The following TLN2 variants were observed in gnomAD, a reference collection of about 807,000 sequenced individuals.
TLN2 encodes the protein talin-2.
TLN2 carries 118 observed loss-of-function variants against 294.7 expected under a neutral mutation model. The observed-to-expected ratio is 0.40, with a 90% CI of 0.34 to 0.47. TLN2 has a LOEUF of 0.47. TLN2 is among the 20% of genes least tolerant of loss of function. TLN2 has a pLI of 0.84. For missense variants in TLN2, 3,083 were observed against 3,282.2 expected (o/e 0.94, Z 1.48); for synonymous variants, 1,431 against 1,304.5 (o/e 1.10, Z -2.09).
chr15:62,482,056 C>T (rs1462694482), intron 1 of TLN2, among the ~76,000 whole-genome samples: 1 of 151,942 alleles, frequency 6.6e-6, no homozygotes, highest in African/African-American at 2.4e-5. Context: ...CTCAGCCTCC[C>T]AAAGTTCATT....
At chr15:62,739,595 A>T in intron 31 of TLN2, 50 bp downstream of exon 31, 1 of 1,599,580 alleles carries the variant, frequency 6.3e-7, no homozygotes, top group Non-Finnish European at 8.6e-7. Flanking sequence ...CTCCTCTCGG[A>T]TGGATAATCC....
chr15:62,727,438 A>G (rs1391507140), intron 28 of TLN2, among the ~76,000 whole-genome samples: 2 of 152,236 alleles, frequency 1.3e-5, no homozygotes, highest in African/African-American at 4.8e-5. Context: ...GTAATTGTAG[A>G]CTTCCAGGTC....
chr15:62,434,015 T>A (rs1352958707), intron 1 of TLN2, among the ~76,000 whole-genome samples: 2 of 148,750 alleles, frequency 1.3e-5, no homozygotes, highest in African/African-American at 5.0e-5. Flanking sequence ...AAAAAGATTG[T>A]CTCCCTAATT....
At chr15:62,665,225 G>C (rs375937140) in intron 9 of TLN2, among the ~76,000 whole-genome samples, 1 of 151,990 alleles carries the variant, frequency 6.6e-6, no homozygotes, top group Admixed American at 6.6e-5. Flanking sequence ...ATCATGCCCA[G>C]CTAACTTTTG....
intron 14 of TLN2, among the ~76,000 whole-genome samples, chr15:62,697,092 G>A (rs75606098): frequency 0.096 from 14,562 of 152,124 alleles, 1,401 homozygotes; most frequent in African/African-American, 0.25. Flanking sequence ...TCATTATTAT[G>A]GGAATCTCTG....
chr15:62,483,406 G>T (rs917731804), intron 1 of TLN2, among the ~76,000 whole-genome samples: 8 of 152,184 alleles, frequency 5.3e-5, no homozygotes, highest in Non-Finnish European at 1.2e-4. Flanking sequence ...GCTTAGAACA[G>T]ACCTCTTTCG....
chr15:62,796,353 C>T (rs971227654), intron 47 of TLN2, 60 bp downstream of exon 47: 220 of 1,538,168 alleles, frequency 1.4e-4, no homozygotes, highest in Non-Finnish European at 1.8e-4. Context: ...AACTCATGAT[C>T]GACTTGGAGA....
intron 1 of TLN2, among the ~76,000 whole-genome samples, chr15:62,581,665 T>C (rs1373829564): frequency 1.3e-5 from 2 of 152,114 alleles, no homozygotes; most frequent in Non-Finnish European, 2.9e-5. Flanking sequence ...AAGGAAGGCA[T>C]AAATGTAAAA....
intron 52 of TLN2, among the ~76,000 whole-genome samples, chr15:62,810,889 C>A (rs1180608769): frequency 4.6e-5 from 7 of 152,202 alleles, no homozygotes; most frequent in Non-Finnish European, 7.3e-5. Context: ...AACAGGCCAC[C>A]TTTAGATACA....
chr15:62,695,362 C>T (rs1567377873), intron 14 of TLN2, among the ~76,000 whole-genome samples: 1 of 152,156 alleles, frequency 6.6e-6, no homozygotes, highest in Non-Finnish European at 1.5e-5. Context: ...ACAATCCTGA[C>T]CATTCTTCCT....
chr15:62,634,799 C>T (rs928030551), intron 3 of TLN2, among the ~76,000 whole-genome samples: 2 of 152,258 alleles, frequency 1.3e-5, no homozygotes, highest in African/African-American at 4.8e-5. Flanking sequence ...TTGCAGAAAG[C>T]AGCACGTGGC....
At chr15:62,732,676 G>T (rs574346327) in intron 28 of TLN2, among the ~76,000 whole-genome samples, 1 of 152,306 alleles carries the variant, frequency 6.6e-6, no homozygotes, top group South Asian at 2.1e-4. Flanking sequence ...CATTAATCCA[G>T]GTAAGAGATG....
At chr15:62,535,730 A>G (rs938130215) in intron 1 of TLN2, among the ~76,000 whole-genome samples, 1 of 151,874 alleles carries the variant, frequency 6.6e-6, no homozygotes, top group South Asian at 2.1e-4. Context: ...TAATTTTTGT[A>G]ATTTAGTAGA....
At position 62,428,947 on chromosome 15, in the gene TLN2, C is replaced by G. The variant is rs1014994513; in HGVS notation, c.-238+38262C>G. Among the ~76,000 whole-genome samples, 8 of 152,028 alleles carry G rather than the reference C, an allele frequency of 5.3e-5. 1 individual carries two copies. Among genetic ancestry groups the G allele is most frequent in the Non-Finnish European group, 8.8e-5 (6 of 68,018 alleles). ...GAATATCCAGATTTCAGAATCTCAC[C>G]CAGACTCACTGACTCAGAGCTTCTG... On this transcript the variant is annotated intron_variant, in intron 1 of 58. Transcript: ENST00000636159.
intron 33 of TLN2, among the ~76,000 whole-genome samples, chr15:62,749,230 G>T (rs940020527): frequency 6.6e-6 from 1 of 152,204 alleles, no homozygotes; most frequent in Non-Finnish European, 1.5e-5. Context: ...TTTGATTGAG[G>T]CCCTGGTACT....
Position 62,433,034 on chromosome 15 carries a change from C to T in TLN2, c.-238+42349C>T, listed in dbSNP as rs75860255. Among the ~76,000 whole-genome samples, 1,030 of 152,284 alleles carry T rather than the reference C, an allele frequency of 6.8e-3. 2 individuals are homozygous for T. Among genetic ancestry groups the T allele is most frequent in the Middle Eastern group, 0.031 (9 of 294 alleles). ...TTCTATTTTAAGATAGGTATGTTGA[C>T]AGAGGCATTGGTCCCCAAATAGAGG... is the stretch of plus-strand genomic sequence containing the variant. On this transcript the variant is annotated intron_variant, in intron 1 of 58. Coordinates refer to ENST00000636159, the MANE Select transcript of TLN2 (RefSeq NM_015059.3).
At chr15:62,663,577 T>C (rs2054162139) in intron 9 of TLN2, among the ~76,000 whole-genome samples, 1 of 151,056 alleles carries the variant, frequency 6.6e-6, no homozygotes, top group African/African-American at 2.4e-5. Context: ...TTAAGTGTGG[T>C]CTTTAGAAAA....
intron 11 of TLN2, among the ~76,000 whole-genome samples, chr15:62,678,414 T>A (rs976038461): frequency 1.3e-5 from 2 of 152,244 alleles, no homozygotes; most frequent in African/African-American, 4.8e-5. Flanking sequence ...TTGATAAAAC[T>A]CAACATCCTT....
At chr15:62,505,399 T>C (rs1462987806) in intron 1 of TLN2, among the ~76,000 whole-genome samples, 4 of 152,238 alleles carry the variant, frequency 2.6e-5, no homozygotes, top group East Asian at 1.9e-4. Flanking sequence ...CTGGCTTACA[T>C]TGATTTAAAC....
Sources: allele counts gnomAD v4.1 joint callset (sites outside exome capture counted in the v4.1 genomes callset), GRCh38; gene constraint gnomAD v4.1.1; transcripts MANE v1.5; gene names NCBI Gene and HGNC (gene_info 2026-07-23, HGNC 2026-07-21).